PLXNA4: variants seen among roughly 807,000 people sequenced by gnomAD.
The protein encoded by PLXNA4 is plexin-A4.
Under a neutral mutation model 191.8 loss-of-function variants are expected in PLXNA4, and 44 were observed. That is an observed-to-expected ratio of 0.23 (90% confidence interval 0.18 to 0.29). The LOEUF is 0.29. Among genes scored for constraint, PLXNA4 ranks in the 10% least tolerant of loss-of-function variants. The pLI, the probability that PLXNA4 is intolerant of heterozygous loss-of-function variation, is 1.00. For missense variants in PLXNA4, 1,800 were observed against 2,488.8 expected, an observed-to-expected ratio of 0.72 and a Z score of 5.89; for synonymous variants, 1,082 against 1,009.5, an observed-to-expected ratio of 1.07 and a Z score of -1.36.
At chr7:132,625,729 C>T (rs1803357469) in intron 2 of PLXNA4, among the ~76,000 whole-genome samples, 1 of 152,216 alleles carries the variant, frequency 6.6e-6, no homozygotes, top group Non-Finnish European at 1.5e-5. Context: ...AAGACTTGCA[C>T]TGTCATTGAA....
At chr7:132,425,191 A>G (rs919240736) in intron 3 of PLXNA4, among the ~76,000 whole-genome samples, 9 of 152,184 alleles carry the variant, frequency 5.9e-5, no homozygotes, top group Non-Finnish European at 1.0e-4. Flanking sequence ...CAAGATAATA[A>G]GGGGGAAAGT....
intron 3 of PLXNA4, among the ~76,000 whole-genome samples, chr7:132,458,222 A>G (rs1167963964): frequency 2.6e-5 from 4 of 152,024 alleles, no homozygotes; most frequent in African/African-American, 9.7e-5. Flanking sequence ...TACTAGAACC[A>G]AAAAGTTCTT....
At chr7:132,538,874 T>C (rs919117679) in intron 1 of PLXNA4, among the ~76,000 whole-genome samples, 9 of 152,232 alleles carry the variant, frequency 5.9e-5, no homozygotes, top group Non-Finnish European at 1.3e-4. Context: ...TCCCTTTCCT[T>C]GGCTCCTCTT....
chr7:132,203,452 A>C, intron 10 of PLXNA4, 33 bp from the exon 11 acceptor site: 1 of 1,593,658 alleles, frequency 6.3e-7, no homozygotes, highest in Non-Finnish European at 8.6e-7. Flanking sequence ...GAAAGAAGAA[A>C]GTGGGGTCAC....
At chr7:132,192,558 G>A (rs568455644) in intron 14 of PLXNA4, among the ~76,000 whole-genome samples, 1 of 151,998 alleles carries the variant, frequency 6.6e-6, no homozygotes, top group African/African-American at 2.4e-5. Context: ...TGGGGGTGCA[G>A]AAGGAGGAAA....
At chr7:132,597,576 T>TATTCATTCATTC (rs10573562) in intron 2 of PLXNA4, among the ~76,000 whole-genome samples, 32 of 150,010 alleles carry the variant, frequency 2.1e-4, no homozygotes, top group African/African-American at 7.6e-4. Context: ...TCTCTCCTTT[T>TATTCATTCATTC]ATTCATTCAT....
chr7:132,394,891 C>T (rs1028319545), intron 3 of PLXNA4, among the ~76,000 whole-genome samples: 6 of 152,250 alleles, frequency 3.9e-5, no homozygotes, highest in African/African-American at 1.4e-4. Context: ...TTCTCTGAGG[C>T]CATCTGTGGC....
intron 3 of PLXNA4, among the ~76,000 whole-genome samples, chr7:132,436,844 TG>T (rs916724736): frequency 5.5e-5 from 7 of 126,582 alleles, no homozygotes; most frequent in African/African-American, 3.3e-4. Flanking sequence ...ATGCGGTCCC[TG>T]TTGGTGGCTT....
At chr7:132,170,285 C>A (rs780540374) in intron 21 of PLXNA4, among the ~76,000 whole-genome samples, 2 of 152,120 alleles carry the variant, frequency 1.3e-5, no homozygotes, top group Non-Finnish European at 2.9e-5. Context: ...TGTTATAATC[C>A]CCATGAGGGA....
At chr7:132,329,581 C>G (rs570649896) in intron 3 of PLXNA4, among the ~76,000 whole-genome samples, 1 of 152,264 alleles carries the variant, frequency 6.6e-6, no homozygotes, top group Non-Finnish European at 1.5e-5. Flanking sequence ...GCAGCCAATT[C>G]CAGCTGCTTT....
chr7:132,468,575 C>T lies in PLXNA4; in HGVS notation c.1371+20717G>A, dbSNP rs371215320. Among the ~76,000 whole-genome samples the T allele has an allele frequency of 4.6e-5, 7 of 152,238 alleles. No individual in the cohort carries two copies. The East Asian group carries it at 7.7e-4, about 17-fold the overall frequency. ...TCTATCGTCCCTTTTTAGAACACTG[C>T]TCTGTGGCCCTCTCACTCTTCCTGC... is the stretch of plus-strand genomic sequence containing the variant. On this transcript the variant is annotated intron_variant, in intron 3 of 31. Transcript: ENST00000321063.
rs528539537 is a variant in PLXNA4, at chr7:132,569,641, A to T, written c.-87+6781T>A. Among the ~76,000 whole-genome samples, 3 of 152,368 alleles carry T rather than the reference A, an allele frequency of 2.0e-5. No homozygotes were observed. In the South Asian group the frequency reaches 6.2e-4, roughly 32 times the overall value. ...ATTTTTCCCAAAATGCTTTAGTTAG[A>T]GTTATCTACATCTATTTGTATCCAA... On this transcript the variant is annotated intron_variant, in intron 1 of 31. Transcript: ENST00000321063.
chr7:132,545,941 C>T (rs569339884), intron 1 of PLXNA4, among the ~76,000 whole-genome samples: 3 of 152,358 alleles, frequency 2.0e-5, no homozygotes, highest in African/African-American at 7.2e-5. Flanking sequence ...AGAGGACCAG[C>T]AGTTGCCAAC....
At chr7:132,406,078 G>A (rs539923736) in intron 3 of PLXNA4, among the ~76,000 whole-genome samples, 3 of 152,306 alleles carry the variant, frequency 2.0e-5, no homozygotes, top group African/African-American at 7.2e-5. Flanking sequence ...ATTTTGCAAA[G>A]GGACAGACTG....
rs192168134 is a variant in PLXNA4, at chr7:132,405,507, G to A, written c.1371+83785C>T. Among the ~76,000 whole-genome samples, 250 of 152,264 alleles carry A rather than the reference G, an allele frequency of 1.6e-3. 3 individuals are homozygous for A. Among genetic ancestry groups the A allele is most frequent in the Admixed American group, 5.0e-3 (76 of 15,308 alleles). On this transcript the variant is annotated intron_variant, in intron 3 of 31. Coordinates refer to ENST00000321063, the MANE Select transcript of PLXNA4 (RefSeq NM_020911.2). ...GAGCAGGGGCCACAGGAAATGGAGA[G>A]TCCTGGTTACTGCCAGCCTTGGAAA...
At chr7:132,528,965 T>C (rs1359827814) in intron 1 of PLXNA4, among the ~76,000 whole-genome samples, 1 of 152,352 alleles carries the variant, frequency 6.6e-6, no homozygotes, top group Admixed American at 6.5e-5. Context: ...TTTGCTGCCA[T>C]GAAGACTATG....
chr7:132,317,754 T>C (rs774082351), intron 3 of PLXNA4, among the ~76,000 whole-genome samples: 21 of 152,116 alleles, frequency 1.4e-4, no homozygotes, highest in Non-Finnish European at 2.6e-4. Context: ...AAGAGCAAAA[T>C]GGAGCAGCAC....
chr7:132,548,319 A>G (rs1288362610), intron 1 of PLXNA4, among the ~76,000 whole-genome samples: 1 of 152,192 alleles, frequency 6.6e-6, no homozygotes, highest in Non-Finnish European at 1.5e-5. Flanking sequence ...GATTTTTATG[A>G]TAAGCAGATG....
intron 3 of PLXNA4, among the ~76,000 whole-genome samples, chr7:132,429,061 C>T (rs1459350252): frequency 6.6e-6 from 1 of 152,106 alleles, no homozygotes; most frequent in African/African-American, 2.4e-5. Flanking sequence ...CTCAGAAAGT[C>T]CTCATGCAAT....
Sources: allele counts gnomAD v4.1 joint callset (sites outside exome capture counted in the v4.1 genomes callset), GRCh38; gene constraint gnomAD v4.1.1; transcripts MANE v1.5; gene names NCBI Gene and HGNC (gene_info 2026-07-23, HGNC 2026-07-21).